The following ADGRA2 variants were observed in gnomAD, a reference collection of about 807,000 sequenced individuals.
ADGRA2 encodes the protein G-protein coupled receptor 124.
In ADGRA2, 61 loss-of-function variants were observed where a neutral mutation model predicts 98.7. That is an observed-to-expected ratio of 0.62 (90% CI 0.50 to 0.76). The LOEUF is 0.76. ADGRA2 is among the 30% of genes least tolerant of loss of function. The pLI is 0.00. For synonymous variants in ADGRA2, 858 were observed against 831.5 expected, an observed-to-expected ratio of 1.03 and a Z score of -0.55; for missense variants, 1,712 against 1,860.0, an observed-to-expected ratio of 0.92 and a Z score of 1.46.
At chr8:37,813,313 A>G (rs2129941853) in intron 1 of ADGRA2, among the ~76,000 whole-genome samples, 1 of 152,322 alleles carries the variant, frequency 6.6e-6, no homozygotes, top group East Asian at 1.9e-4. Flanking sequence ...TGAGACCTTT[A>G]GAGGCCTCTA....
At chr8:37,816,186 A>C (rs1368552172) in intron 2 of ADGRA2, among the ~76,000 whole-genome samples, 1 of 152,206 alleles carries the variant, frequency 6.6e-6, no homozygotes, top group Non-Finnish European at 1.5e-5. Flanking sequence ...GCACTCTGGG[A>C]GGCCGAGGCT....
Position 37,830,382 on chromosome 8 carries a change from C to T in ADGRA2, c.719-328C>T, listed in dbSNP as rs1401234403. Among the ~76,000 whole-genome samples the T allele has an allele frequency of 6.6e-6, 1 of 152,218 alleles. No homozygotes were observed. The highest frequency in any genetic ancestry group is 1.5e-5 in the Non-Finnish European group (1 of 68,028). Reference sequence around the variant, plus strand: ...TGCTGGGCGTGTCCTCCAGGGCATCCCCTTTCCCTCGGTGTCCCGGGGTCA... The same window carrying T: ...TGCTGGGCGTGTCCTCCAGGGCATCTCCTTTCCCTCGGTGTCCCGGGGTCA... On this transcript the variant is annotated intron_variant, in intron 6 of 18. Coordinates refer to ENST00000412232, the MANE Select transcript of ADGRA2 (RefSeq NM_032777.10). The surrounding 1 kb of genome is among the most constrained non-coding windows in gnomAD (Gnocchi z 4.8).
In ADGRA2 at chr8:37,835,177, G is replaced by T. The variant is rs764749791; in HGVS notation, c.1612G>T (p.Ala538Ser). Reference protein sequence around the residue: ...SPHAQHISVNARNVALEAYLI... With the variant: ...SPHAQHISVNSRNVALEAYLI... ...ATGACAAGGTCCCTGTCCCCAGAAT[G>T]CGAGGAACGTGGCATTGGAGGCCTA... The change falls in exon 12 of 19, where the codon GCG becomes TCG. Residue 538 changes from alanine (A) to serine (S), a missense_variant. Ala to Ser is a moderately conservative substitution (Grantham distance 99). Transcript: ENST00000412232. The T allele has an allele frequency of 1.2e-6, 2 of 1,612,350 alleles. No homozygotes were observed. The highest frequency in any genetic ancestry group is 1.1e-5 in the South Asian group (1 of 90,996).
intron 1 of ADGRA2, among the ~76,000 whole-genome samples, chr8:37,798,392 C>T (rs747087442): frequency 2.0e-5 from 3 of 152,212 alleles, no homozygotes; most frequent in Non-Finnish European, 4.4e-5. Context: ...CCTCAGTACG[C>T]CTTTGCTTTG....
chr8:37,840,928 C>T, intron 18 of ADGRA2, 79 bp downstream of exon 18: 3 of 1,117,310 alleles, frequency 2.7e-6, no homozygotes, highest in Middle Eastern at 2.9e-4. Flanking sequence ...GGCCATCTGC[C>T]AGGTCCACCC....
At chr8:37,807,079 T>C (rs1804692382) in intron 1 of ADGRA2, among the ~76,000 whole-genome samples, 1 of 152,218 alleles carries the variant, frequency 6.6e-6, no homozygotes, top group African/African-American at 2.4e-5. Flanking sequence ...GCTTCCAGGC[T>C]GGGTTCAGGG....
intron 2 of ADGRA2, among the ~76,000 whole-genome samples, chr8:37,817,571 C>T (rs1805016083): frequency 6.6e-6 from 1 of 151,962 alleles, no homozygotes; most frequent in Admixed American, 6.6e-5. Context: ...TAGCCAGGCA[C>T]AGTGGTATGC....
At chr8:37,822,081 T>G (rs546487653) in intron 2 of ADGRA2, among the ~76,000 whole-genome samples, 47 of 152,260 alleles carry the variant, frequency 3.1e-4, no homozygotes, top group African/African-American at 1.1e-3. Context: ...GTAGCCCCCA[T>G]GCCTGGCATG....
Position 37,844,262 on chromosome 8 carries a change from G to C in ADGRA2, c.*1907G>C. The C allele has an allele frequency of 1.8e-6, 1 of 563,512 alleles. No homozygotes were observed. The highest frequency in any genetic ancestry group is 3.2e-6 in the Non-Finnish European group (1 of 314,122). The allele number at this position is 563,512 out of a possible 1,614,324, so 34.9% of individuals were successfully genotyped here. A position where few individuals can be genotyped will look rare whatever the true frequency, so the allele number is the denominator to read the frequency against. Reference sequence around the variant, plus strand: ...GCCATCTCACAGAACATGGACATAGGCAACTTGCTCTCCCACACCAAGGGA... The same window carrying C: ...GCCATCTCACAGAACATGGACATAGCCAACTTGCTCTCCCACACCAAGGGA... On this transcript the variant is annotated 3_prime_UTR_variant, in exon 19 of 19. Transcript: ENST00000412232.
chr8:37,832,948 G>T, intron 8 of ADGRA2, 62 bp from the exon 9 acceptor site: 1 of 1,312,716 alleles, frequency 7.6e-7, no homozygotes, highest in South Asian at 1.2e-5. Context: ...TTCTAAAGTC[G>T]GGAGAAGGGC....
At chr8:37,804,818 G>T (rs1473235793) in intron 1 of ADGRA2, among the ~76,000 whole-genome samples, 1 of 152,226 alleles carries the variant, frequency 6.6e-6, no homozygotes, top group African/African-American at 2.4e-5. Context: ...ACATGAGCCA[G>T]GGAAAAGGGG....
At chr8:37,803,591 C>G (rs1804569195) in intron 1 of ADGRA2, among the ~76,000 whole-genome samples, 1 of 152,168 alleles carries the variant, frequency 6.6e-6, no homozygotes. Flanking sequence ...TCCAGGGGCC[C>G]CCATCCTTCC....
At chr8:37,837,965 C>G in intron 14 of ADGRA2, 26 bp downstream of exon 14, 5 of 1,277,230 alleles carry the variant, frequency 3.9e-6, no homozygotes, top group South Asian at 1.6e-5. Flanking sequence ...GGTGACAAGT[C>G]GGGGGGGCAG....
chr8:37,797,569 G>A lies in ADGRA2; in HGVS notation c.266+35G>A, dbSNP rs765902464. On this transcript the variant is annotated intron_variant, in intron 1 of 18. Transcript: ENST00000412232. The surrounding 1 kb of genome is among the most constrained non-coding windows in gnomAD (Gnocchi z 5.3). ...CTACCAGGCCAGTTCCGTCCGAGCC[G>A]GGACTGGGGACGAAGGGAGGCGAGA... 5 of 1,328,958 alleles carry A rather than the reference G, an allele frequency of 3.8e-6. No individual in the cohort carries two copies. In the East Asian group the frequency reaches 1.2e-4, roughly 31 times the overall value. The allele number at this position is 1,328,958 out of a possible 1,614,324, so 82.3% of individuals were successfully genotyped here. A position where few individuals can be genotyped will look rare whatever the true frequency, so the allele number is the denominator to read the frequency against.
At chr8:37,800,998 T>C (rs764609805) in intron 1 of ADGRA2, among the ~76,000 whole-genome samples, 3 of 152,134 alleles carry the variant, frequency 2.0e-5, no homozygotes, top group African/African-American at 7.2e-5. Context: ...GGATTGATCC[T>C]TGGGGAGTCT....
chr8:37,815,464 G>T (rs747952654), intron 2 of ADGRA2, among the ~76,000 whole-genome samples: 2 of 152,218 alleles, frequency 1.3e-5, no homozygotes, highest in South Asian at 2.1e-4. Context: ...GTTCAGAGCC[G>T]CCTGGGCAGT....
At chr8:37,815,438 A>C (rs1804951434) in intron 2 of ADGRA2, among the ~76,000 whole-genome samples, 1 of 152,188 alleles carries the variant, frequency 6.6e-6, no homozygotes, top group South Asian at 2.1e-4. Flanking sequence ...CCCCCACTCC[A>C]GCCCACCCCA....
chr8:37,837,653 G>A, intron 13 of ADGRA2, 78 bp from the exon 14 acceptor site: 1 of 1,213,558 alleles, frequency 8.2e-7, no homozygotes, highest in Non-Finnish European at 1.2e-6. Flanking sequence ...TGTCACTGCT[G>A]CTGCTGCTGA....
Position 37,830,873 on chromosome 8 carries a change from G to A in ADGRA2, c.882G>A (p.Ala294=), listed in dbSNP as rs758132243. ...CCCCTGTGGAGGGTGATGAGCAGGCGGGCATCCTCCTGGCCGAGAGCCTCA... is the reference window on the plus strand; with the variant it reads ...CCCCTGTGGAGGGTGATGAGCAGGCAGGCATCCTCCTGGCCGAGAGCCTCA... ...NRAPVEGDEQ[A]GILLAESLIH... is the part of the protein sequence containing the mutation. Residue 294 remains alanine, a synonymous_variant, in exon 7 of 19, where the codon GCG becomes GCA. Transcript: ENST00000412232. This position sits in a 1 kb window ranked among gnomAD's most constrained non-coding sequence, Gnocchi z 4.8. 6.2e-5 allele frequency: 99 copies of A among 1,593,164 alleles called. No individual in the cohort carries two copies. Among genetic ancestry groups the A allele is most frequent in the Non-Finnish European group, 6.8e-5 (80 of 1,170,060 alleles).
Sources: gnomAD v4.1 joint callset for allele counts (sites outside exome capture counted in the v4.1 genomes callset) on GRCh38, gnomAD v4.1.1 for gene constraint, Gnocchi (gnomAD v3.1) non-coding constraint, MANE v1.5 for transcripts, NCBI Gene and HGNC (gene_info 2026-07-23, HGNC 2026-07-21) for gene names.